PPP6R2: variants seen among roughly 807,000 people sequenced by gnomAD.
PPP6R2 encodes the protein protein phosphatase 6 regulatory subunit 2.
A neutral mutation model predicts 100.2 loss-of-function variants in PPP6R2; 62 were observed. The observed-to-expected ratio is 0.62, with a 90% CI of 0.50 to 0.76. PPP6R2 has a LOEUF of 0.76. Ranked by LOEUF, PPP6R2 falls within the 30% of genes least tolerant of loss-of-function variation. PPP6R2 has a pLI of 0.00. For missense variants in PPP6R2, 1,142 were observed against 1,276.3 expected (o/e 0.89, Z 1.60); for synonymous variants, 525 against 514.7 (o/e 1.02, Z -0.27).
intron 22 of PPP6R2, chr22:50,443,478 C>A (rs376394380): frequency 2.1e-5 from 4 of 186,178 alleles, no homozygotes; most frequent in Non-Finnish European, 3.3e-5. Context: ...CCCTTAGATG[C>A]CCGGCAGGGT....
Position 50,444,398 on chromosome 22 carries a change from C to T in PPP6R2, c.*151C>T, listed in dbSNP as rs1006254479. ...AAGCTGGCAGTTGAAACCAGTTGGA[C>T]GGCCCAGCTTGCGTCTCTTCTGCCT... On this transcript the variant is annotated 3_prime_UTR_variant, in exon 24 of 24. Transcript: ENST00000612753. 47 of 1,068,394 alleles carry T rather than the reference C, an allele frequency of 4.4e-5. No individual in the cohort carries two copies. Among genetic ancestry groups the T allele is most frequent in the African/African-American group, 3.7e-4 (23 of 61,762 alleles). The allele number at this position is 1,068,394 out of a possible 1,614,324, so 66.2% of individuals were successfully genotyped here.
At chr22:50,428,127 T>G (rs1456455636) in intron 10 of PPP6R2, among the ~76,000 whole-genome samples, 1 of 151,328 alleles carries the variant, frequency 6.6e-6, no homozygotes, top group Non-Finnish European at 1.5e-5. Context: ...AGTGCTGGGA[T>G]TATAGGCATG....
At chr22:50,437,943 AG>A (rs1569493442) in intron 17 of PPP6R2, 43 bp downstream of exon 17, 1 of 1,563,452 alleles carries the variant, frequency 6.4e-7, no homozygotes, top group African/African-American at 1.4e-5. Context: ...CCCTTTTCCC[AG>A]GCAGCTCAGG....
At chr22:50,342,187 A>G (rs1464719434), upstream of PPP6R2, among the ~76,000 whole-genome samples, 1 of 152,164 alleles carries the variant, frequency 6.6e-6, no homozygotes, top group Non-Finnish European at 1.5e-5. Flanking sequence ...AAAGGAGACC[A>G]TGGTGAGGGC....
rs140870089 is a variant in PPP6R2, at chr22:50,424,067, A to G, written c.1125+453A>G. 1.6e-4 allele frequency among the ~76,000 whole-genome samples: 25 copies of G among 152,352 alleles called. No individual in the cohort carries two copies. The East Asian group carries it at 3.7e-3, about 22-fold the overall frequency. The stretch of plus-strand genomic sequence containing the variant: ...CCTCTCCATCCCGCAGACGGCTTGC[A>G]TGATGCTCCAGGTGGCTGAGGAGAG... On this transcript the variant is annotated intron_variant, in intron 10 of 23. Coordinates refer to ENST00000612753, the MANE Select transcript of PPP6R2 (RefSeq NM_001242898.2).
At chr22:50,363,701 A>G (rs1260565068) in intron 1 of PPP6R2, among the ~76,000 whole-genome samples, 3 of 152,170 alleles carry the variant, frequency 2.0e-5, no homozygotes, top group Admixed American at 6.5e-5. Context: ...CTGGAGTCCT[A>G]CTAGAGCTGG....
intron 4 of PPP6R2, among the ~76,000 whole-genome samples, chr22:50,408,856 T>C (rs947898492): frequency 1.3e-5 from 2 of 152,250 alleles, no homozygotes; most frequent in Non-Finnish European, 2.9e-5. Context: ...GGCTCACGCC[T>C]GTAATCCCAG....
At chr22:50,366,735 G>GCCCTCTGGTGTTCTGCC (rs1265585415) in intron 1 of PPP6R2, among the ~76,000 whole-genome samples, 1 of 151,780 alleles carries the variant, frequency 6.6e-6, no homozygotes, top group Non-Finnish European at 1.5e-5. Flanking sequence ...TGTGAGCTCT[G>GCCCTCTGGTGTTCTGCC]CCCTCTGGTG....
intron 22 of PPP6R2, chr22:50,443,591 G>A (rs796265580): frequency 1.9e-6 from 1 of 519,354 alleles, no homozygotes; most frequent in Non-Finnish European, 3.4e-6. Context: ...CTTGAAGAAT[G>A]AGGCGCTTGA....
At chr22:50,351,041 T>TG (rs1569254881) in intron 1 of PPP6R2, among the ~76,000 whole-genome samples, 1 of 124,420 alleles carries the variant, frequency 8.0e-6, no homozygotes, top group Non-Finnish European at 1.7e-5. Flanking sequence ...TTTTTTTTTT[T>TG]TTTTTTTTTT....
intron 4 of PPP6R2, among the ~76,000 whole-genome samples, chr22:50,409,420 CATGATG>C (rs774981944): frequency 6.6e-6 from 1 of 151,820 alleles, no homozygotes; most frequent in Non-Finnish European, 1.5e-5. Context: ...GCCTTTTGAT[CATGATG>C]ATGATGATGA....
chr22:50,416,213 C>A, intron 6 of PPP6R2, 56 bp downstream of exon 6: 2 of 1,492,566 alleles, frequency 1.3e-6, no homozygotes, highest in South Asian at 2.3e-5. Flanking sequence ...GCTGCCAGGT[C>A]ACCCACTGCT....
chr22:50,385,356 G>A (rs547811348), intron 2 of PPP6R2, among the ~76,000 whole-genome samples: 2 of 150,016 alleles, frequency 1.3e-5, no homozygotes, highest in Non-Finnish European at 1.5e-5. Flanking sequence ...CTGCCATCAC[G>A]TCCGGCTAAT....
upstream of PPP6R2, among the ~76,000 whole-genome samples, chr22:50,341,394 G>A (rs2042373407): frequency 6.6e-6 from 1 of 151,978 alleles, no homozygotes; most frequent in African/African-American, 2.4e-5. Context: ...TGTAGAGACA[G>A]GGGCCCCACT....
intron 4 of PPP6R2, among the ~76,000 whole-genome samples, chr22:50,413,822 C>T (rs928794353): frequency 6.6e-6 from 1 of 151,980 alleles, no homozygotes; most frequent in Non-Finnish European, 1.5e-5. Flanking sequence ...GCTGGGTCTA[C>T]CCCAGCCCCC....
At chr22:50,381,519 C>G (rs1025102556) in intron 2 of PPP6R2, among the ~76,000 whole-genome samples, 10 of 152,148 alleles carry the variant, frequency 6.6e-5, no homozygotes, top group Non-Finnish European at 1.5e-4. Flanking sequence ...AGTTTAACAT[C>G]AGGCTTGGTG....
chr22:50,380,852 G>C (rs1407513626), intron 2 of PPP6R2, among the ~76,000 whole-genome samples: 1 of 151,402 alleles, frequency 6.6e-6, no homozygotes, highest in Non-Finnish European at 1.5e-5. Flanking sequence ...AGCCGGGCGT[G>C]GTGGCGGGCA....
At position 50,437,963 on chromosome 22, in the gene PPP6R2, A is replaced by G. The variant is rs2064746099; in HGVS notation, c.1839+63A>G. 5.1e-6 allele frequency: 8 copies of G among 1,562,430 alleles called. No individual in the cohort carries two copies. The East Asian group carries it at 9.5e-5, about 18-fold the overall frequency. On this transcript the variant is annotated intron_variant, in intron 17 of 23. Coordinates refer to ENST00000612753, the MANE Select transcript of PPP6R2 (RefSeq NM_001242898.2). ...TTCCCAGGCAGCTCAGGCCATGCCC[A>G]TGGCTCGGTCTGTCATGGGCCTGTG... is the stretch of plus-strand genomic sequence containing the variant.
intron 1 of PPP6R2, among the ~76,000 whole-genome samples, chr22:50,343,948 C>T (rs1452690648): frequency 6.5e-5 from 1 of 15,456 alleles, no homozygotes; most frequent in Non-Finnish European, 1.1e-4. Context: ...AGTCAGTGCC[C>T]CCTCCAGTCA....
Sources: allele counts gnomAD v4.1 joint callset (sites outside exome capture counted in the v4.1 genomes callset), GRCh38; gene constraint gnomAD v4.1.1; transcripts MANE v1.5; gene names NCBI Gene and HGNC (gene_info 2026-07-23, HGNC 2026-07-21).